The following IREB2 variants were observed in gnomAD, a reference collection of about 807,000 sequenced individuals.
IREB2 encodes the protein iron responsive element binding protein 2, also known as iron-responsive element-binding protein 2.
IREB2 carries 39 observed loss-of-function variants against 118.8 expected under a neutral mutation model. The observed-to-expected ratio is 0.33, with a 90% confidence interval of 0.25 to 0.43. The LOEUF (loss-of-function observed/expected upper bound fraction) is 0.43. Ranked by LOEUF, IREB2 falls within the 20% of genes least tolerant of loss-of-function variation. The pLI, the probability that IREB2 is intolerant of heterozygous loss-of-function variation, is 1.00. For synonymous variants in IREB2, 372 were observed against 392.2 expected (o/e 0.95, Z 0.61); for missense variants, 900 against 1,147.3 (o/e 0.78, Z 3.11).
At chr15:78,481,393 G>A (rs888728879) in intron 10 of IREB2, among the ~76,000 whole-genome samples, 2 of 151,116 alleles carry the variant, frequency 1.3e-5, no homozygotes, top group Non-Finnish European at 2.9e-5. Flanking sequence ...ATCTCGCTCT[G>A]TCACCAGGCT....
intron 15 of IREB2, 115 bp downstream of exon 15, chr15:78,488,451 A>G (rs2051695739): frequency 3.0e-6 from 3 of 1,004,400 alleles, no homozygotes; most frequent in Admixed American, 3.0e-5. Flanking sequence ...AGGAAGACGT[A>G]TGATAATGTA....
intron 18 of IREB2, among the ~76,000 whole-genome samples, chr15:78,492,489 A>G (rs753388392): frequency 7.2e-5 from 11 of 152,198 alleles, no homozygotes; most frequent in Non-Finnish European, 1.3e-4. Flanking sequence ...TAAATAATCA[A>G]TTCTTTAACC....
chr15:78,442,096 A>T (rs1251515720), intron 2 of IREB2, among the ~76,000 whole-genome samples: 1 of 152,000 alleles, frequency 6.6e-6, no homozygotes, highest in Non-Finnish European at 1.5e-5. Flanking sequence ...TGGTTTTACC[A>T]TGTTGGTCAG....
chr15:78,478,457 C>T, intron 10 of IREB2, 60 bp downstream of exon 10: 1 of 1,056,288 alleles, frequency 9.5e-7, no homozygotes. Context: ...AATCCCAGCG[C>T]TTTGAAAGGT....
chr15:78,465,326 C>G lies in IREB2; in HGVS notation c.348C>G (p.Val116=). The change falls in exon 4 of 22, where the codon GTC becomes GTG. Residue 116 remains valine, a synonymous_variant. Coordinates refer to ENST00000258886, the MANE Select transcript of IREB2 (RefSeq NM_004136.4). ...VKTLGGDPEK[V]HPACPTDLTV... ...CTCTTGGAGGTGATCCTGAGAAAGT[C>G]CATCCTGCTTGTCCGACAGATCTTA... 1 of 1,613,732 alleles carries G rather than the reference C, an allele frequency of 6.2e-7. No individual in the cohort carries two copies. The highest frequency in any genetic ancestry group is 8.5e-7 in the Non-Finnish European group (1 of 1,179,794).
At chr15:78,480,858 A>T (rs2141505997) in intron 10 of IREB2, among the ~76,000 whole-genome samples, 1 of 150,194 alleles carries the variant, frequency 6.7e-6, no homozygotes, top group East Asian at 2.0e-4. Context: ...AAATACAAAA[A>T]ATTAGCTGGG....
intron 2 of IREB2, among the ~76,000 whole-genome samples, chr15:78,459,347 TTTTTTTG>T (rs1015275677): frequency 6.6e-6 from 1 of 151,582 alleles, no homozygotes; most frequent in African/African-American, 2.4e-5. Flanking sequence ...TTTGTTTTGG[TTTTTTTG>T]TTTTTTGTTT....
chr15:78,497,935 C>A (rs1236000925), intron 21 of IREB2, 98 bp from the exon 22 acceptor site: 2 of 649,566 alleles, frequency 3.1e-6, no homozygotes, highest in Non-Finnish European at 5.5e-6. Context: ...GAATCTGTGG[C>A]AAGTATAGTC....
chr15:78,495,402 G>C (rs764457483), intron 20 of IREB2, among the ~76,000 whole-genome samples: 3 of 152,082 alleles, frequency 2.0e-5, no homozygotes, highest in Non-Finnish European at 4.4e-5. Flanking sequence ...CCCTCCATTT[G>C]TTAGACATTA....
At position 78,490,543 on chromosome 15, in the gene IREB2, T is replaced by C; in HGVS notation, c.2181+17T>C. Reference sequence around the variant, plus strand: ...GATAAACTTGTAAGTACTGTTTTACTATTTGATCTTTTAAAGATTGTTATA... The same window carrying C: ...GATAAACTTGTAAGTACTGTTTTACCATTTGATCTTTTAAAGATTGTTATA... On this transcript the variant is annotated intron_variant, in intron 17 of 21. Transcript: ENST00000258886. 6.2e-7 allele frequency: 1 copy of C among 1,602,576 alleles called. No homozygotes were observed. The highest frequency in any genetic ancestry group is 8.5e-7 in the Non-Finnish European group (1 of 1,174,020).
intron 1 of IREB2, chr15:78,438,578 G>A (rs184093655): frequency 1.8e-5 from 10 of 570,388 alleles, no homozygotes; most frequent in Admixed American, 1.5e-4. Context: ...CCCGCAGGGC[G>A]GGCCACCCCA....
intron 2 of IREB2, among the ~76,000 whole-genome samples, chr15:78,442,890 C>G (rs565527491): frequency 6.6e-6 from 1 of 152,204 alleles, no homozygotes; most frequent in South Asian, 2.1e-4. Context: ...AACATAATTC[C>G]AGAATTACCA....
At chr15:78,492,370 A>G (rs1256095412) in intron 18 of IREB2, among the ~76,000 whole-genome samples, 9 of 152,196 alleles carry the variant, frequency 5.9e-5, no homozygotes, top group Admixed American at 5.9e-4. Flanking sequence ...ACCAAAAATT[A>G]CCAAGATTAC....
At chr15:78,453,875 C>A (rs1433867406) in intron 2 of IREB2, among the ~76,000 whole-genome samples, 1 of 152,140 alleles carries the variant, frequency 6.6e-6, no homozygotes, top group Non-Finnish European at 1.5e-5. Context: ...TAGTGAGGAC[C>A]TGATTGAGGT....
In IREB2 at chr15:78,490,423, T is replaced by C. The variant is rs2051730510; in HGVS notation, c.2078T>C (p.Met693Thr). 3 of 1,583,648 alleles carry C rather than the reference T, an allele frequency of 1.9e-6. No individual in the cohort carries two copies. The Middle Eastern group carries it at 5.1e-4, about 269-fold the overall frequency. Residue 693 changes from methionine (M) to threonine (T), a missense_variant and splice_region_variant, in exon 17 of 22, where the codon ATG (methionine) becomes ACG (threonine). Coordinates refer to ENST00000258886, the MANE Select transcript of IREB2 (RefSeq NM_004136.4). Reference protein sequence around the residue: ...MFKALKDKIEMGNKRWNSLEA... With the variant: ...MFKALKDKIETGNKRWNSLEA... ...CATCAACGAAAACTGTATTCACAGATGGGGAATAAACGGTGGAATTCCTTA... is the reference window on the plus strand; with the variant it reads ...CATCAACGAAAACTGTATTCACAGACGGGGAATAAACGGTGGAATTCCTTA...
chr15:78,462,879 G>T (rs754960037), intron 2 of IREB2, 43 bp from the exon 3 acceptor site: 1 of 1,425,520 alleles, frequency 7.0e-7, no homozygotes, highest in South Asian at 1.4e-5. Flanking sequence ...TAATATATAG[G>T]TATGACTGTT....
chr15:78,470,689 C>T (rs1350391449), intron 6 of IREB2, 88 bp downstream of exon 6: 37 of 209,962 alleles, frequency 1.8e-4, no homozygotes, highest in East Asian at 5.4e-4. Flanking sequence ...TTTTCTTTTC[C>T]TTTTTTTTTT....
chr15:78,462,882 T>C (rs1307017236), intron 2 of IREB2, 40 bp from the exon 3 acceptor site: 1 of 1,461,470 alleles, frequency 6.8e-7, no homozygotes, highest in Non-Finnish European at 9.3e-7. Context: ...TATATAGGTA[T>C]GACTGTTTGC....
At chr15:78,476,705 C>T (rs1777603750) in intron 9 of IREB2, 2 of 157,830 alleles carry the variant, frequency 1.3e-5, no homozygotes, top group African/African-American at 4.8e-5. Flanking sequence ...CCTTCTACAA[C>T]CAAGAGTAGA....
Sources: allele counts gnomAD v4.1 joint callset (sites outside exome capture counted in the v4.1 genomes callset), GRCh38; gene constraint gnomAD v4.1.1; transcripts MANE v1.5; gene names NCBI Gene and HGNC (gene_info 2026-07-23, HGNC 2026-07-21).